Variants in CACNA1C observed in about 807,000 individuals in gnomAD.
CACNA1C encodes the protein voltage-dependent L-type calcium channel subunit alpha-1C.
In CACNA1C, 30 loss-of-function variants were observed where a neutral mutation model predicts 229.0. That is an observed-to-expected ratio of 0.13 (90% CI 0.10 to 0.18). The LOEUF (loss-of-function observed/expected upper bound fraction) is 0.18. Among genes scored for constraint, CACNA1C ranks in the 10% least tolerant of loss-of-function variants. The pLI, the probability that CACNA1C is intolerant of heterozygous loss-of-function variation, is 1.00. For synonymous variants in CACNA1C, 1,114 were observed against 1,132.5 expected, an observed-to-expected ratio of 0.98 and a Z score of 0.33; for missense variants, 1,658 against 2,845.0, an observed-to-expected ratio of 0.58 and a Z score of 9.49.
intron 3 of CACNA1C, among the ~76,000 whole-genome samples, chr12:2,175,750 G>A (rs572418297): frequency 2.4e-4 from 37 of 152,252 alleles, no homozygotes; most frequent in Admixed American, 2.2e-3. Flanking sequence ...AAAGAAGAAC[G>A]CTCTCTCATC....
chr12:2,431,848 C>A (rs2099088684), intron 3 of CACNA1C, among the ~76,000 whole-genome samples: 1 of 152,148 alleles, frequency 6.6e-6, no homozygotes, highest in Non-Finnish European at 1.5e-5. Flanking sequence ...AATGTAGGGA[C>A]CTCCTGGGCA....
rs550900084 is a variant in CACNA1C, at chr12:2,275,567, C to T, written c.477+155137C>T. Among the ~76,000 whole-genome samples, 2 of 152,260 alleles carry T rather than the reference C, an allele frequency of 1.3e-5. No homozygotes were observed. The highest frequency in any genetic ancestry group is 1.9e-4 in the East Asian group (1 of 5,174). The stretch of plus-strand genomic sequence containing the variant: ...ACCCTTGACCTGCCACCTCCATCTG[C>T]ACCTGCTTGTGGAGCCTGTGTCATG... On this transcript the variant is annotated intron_variant, in intron 3 of 46. Coordinates refer to ENST00000399655, the MANE Select transcript of CACNA1C (RefSeq NM_000719.7). The surrounding 1 kb of genome is among the most constrained non-coding windows in gnomAD (Gnocchi z 4.1).
rs562399761 is a variant in CACNA1C, at chr12:2,488,449, A to T, written c.916+2187A>T. On this transcript the variant is annotated intron_variant, in intron 6 of 46. Transcript: ENST00000399655. This position sits in a 1 kb window ranked among gnomAD's most constrained non-coding sequence, Gnocchi z 4.0. ...CAACGCCCCAAGTACCGAACCTGTCATGGCCTCCTCTTCTCTTAGGACAAA... is the reference window on the plus strand; with the variant it reads ...CAACGCCCCAAGTACCGAACCTGTCTTGGCCTCCTCTTCTCTTAGGACAAA... Among the ~76,000 whole-genome samples the T allele has an allele frequency of 6.6e-6, 1 of 152,344 alleles. No individual in the cohort carries two copies. Among genetic ancestry groups the T allele is most frequent in the East Asian group, 1.9e-4 (1 of 5,178 alleles).
intron 3 of CACNA1C, among the ~76,000 whole-genome samples, chr12:2,321,218 G>T (rs1027682904): frequency 2.0e-5 from 3 of 151,828 alleles, no homozygotes; most frequent in African/African-American, 4.8e-5. Flanking sequence ...CAAGGTGGTC[G>T]TTGGGGGGGT....
chr12:2,418,542 G>A (rs925321715), intron 3 of CACNA1C, among the ~76,000 whole-genome samples: 3 of 151,676 alleles, frequency 2.0e-5, no homozygotes, highest in African/African-American at 7.2e-5. Flanking sequence ...GTGTTTGAGT[G>A]AGGAGAGAGA....
At chr12:2,309,477 CCA>C (rs1010284968) in intron 3 of CACNA1C, among the ~76,000 whole-genome samples, 7 of 150,672 alleles carry the variant, frequency 4.6e-5, no homozygotes, top group Non-Finnish European at 5.9e-5. Context: ...GCCTATGACA[CCA>C]CACACACACA....
chr12:2,576,526 C>T lies in CACNA1C; in HGVS notation c.1896-5064C>T, dbSNP rs111893053. Among the ~76,000 whole-genome samples the T allele has an allele frequency of 8.6e-3, 1,301 of 152,156 alleles. 28 individuals are homozygous for T. Among genetic ancestry groups the T allele is most frequent in the African/African-American group, 0.03 (1,235 of 41,506 alleles). On this transcript the variant is annotated intron_variant, in intron 13 of 46. Transcript: ENST00000399655. Reference sequence around the variant, plus strand: ...AGCTCTTGCCTTTTTGGTGTGTGAGCGTGTGTATCTCATATTTTTGACCAA... The same window carrying T: ...AGCTCTTGCCTTTTTGGTGTGTGAGTGTGTGTATCTCATATTTTTGACCAA...
chr12:2,212,374 A>G (rs2097949440), intron 3 of CACNA1C, among the ~76,000 whole-genome samples: 1 of 152,224 alleles, frequency 6.6e-6, no homozygotes, highest in Admixed American at 6.5e-5. Flanking sequence ...ATTACATATT[A>G]TCTGAATTAA....
intron 9 of CACNA1C, among the ~76,000 whole-genome samples, chr12:2,542,026 A>G (rs2099871728): frequency 1.3e-5 from 2 of 152,130 alleles, no homozygotes; most frequent in South Asian, 4.1e-4. Flanking sequence ...GATGGGAAGG[A>G]AGGGAGTCAG....
At position 2,146,058 on chromosome 12, in the gene CACNA1C, AGTTATT is replaced by A. The variant is rs1278484726; in HGVS notation, c.477+25635_477+25640del. On this transcript the variant is annotated intron_variant, in intron 3 of 46. Transcript: ENST00000399655. ...GTAAATTGTGTAGCATTCAAATGGAAGTTATTGTTATTTTTATTATTGAGTGCCTTC... is the reference window on the plus strand; with the variant it reads ...GTAAATTGTGTAGCATTCAAATGGAAGTTATTTTTATTATTGAGTGCCTTC... Among the ~76,000 whole-genome samples the A allele has an allele frequency of 1.3e-5, 2 of 151,192 alleles. 1 individual carries two copies. The highest frequency in any genetic ancestry group is 1.3e-4 in the Admixed American group (2 of 15,060).
intron 3 of CACNA1C, among the ~76,000 whole-genome samples, chr12:2,224,781 C>T (rs1336469147): frequency 6.6e-6 from 1 of 152,134 alleles, no homozygotes; most frequent in African/African-American, 2.4e-5. Flanking sequence ...TGGGAGGCCT[C>T]ATGTAAGTAC....
At chr12:1,979,377 C>G (rs2035442705) in intron 1 of CACNA1C, among the ~76,000 whole-genome samples, 1 of 152,048 alleles carries the variant, frequency 6.6e-6, no homozygotes, top group Admixed American at 6.5e-5. Flanking sequence ...TGCAGTGGTG[C>G]CATCTTGGCT....
intron 1 of CACNA1C, among the ~76,000 whole-genome samples, chr12:1,974,685 C>T (rs564748506): frequency 1.3e-5 from 2 of 152,162 alleles, no homozygotes; most frequent in East Asian, 1.9e-4. Context: ...ATATTCTAGT[C>T]GCGTTTGATA....
chr12:2,672,896 G>A (rs543518026), intron 38 of CACNA1C, among the ~76,000 whole-genome samples: 1 of 152,336 alleles, frequency 6.6e-6, no homozygotes, highest in Admixed American at 6.5e-5. Context: ...CCTCTCCCGT[G>A]ATGGGGACTG....
At chr12:2,155,367 A>G (rs1478254999) in intron 3 of CACNA1C, among the ~76,000 whole-genome samples, 2 of 152,016 alleles carry the variant, frequency 1.3e-5, no homozygotes, top group East Asian at 3.9e-4. Flanking sequence ...TAGACACACA[A>G]TTTTACTTTG....
chr12:2,474,568 A>G (rs1165558036), intron 5 of CACNA1C, among the ~76,000 whole-genome samples: 1 of 152,104 alleles, frequency 6.6e-6, no homozygotes, highest in Non-Finnish European at 1.5e-5. Flanking sequence ...CAGCCTGGCC[A>G]ACATGGCGAA....
intron 3 of CACNA1C, among the ~76,000 whole-genome samples, chr12:2,304,964 T>C (rs1420624196): frequency 6.6e-6 from 1 of 152,140 alleles, no homozygotes; most frequent in East Asian, 1.9e-4. Context: ...CTTCCCTAGT[T>C]GAACACTTCT....
intron 1 of CACNA1C, among the ~76,000 whole-genome samples, chr12:2,006,877 A>T (rs2043563928): frequency 6.6e-6 from 1 of 152,228 alleles, no homozygotes; most frequent in African/African-American, 2.4e-5. Context: ...GACATTTTTT[A>T]AAATGCTATT....
intron 3 of CACNA1C, among the ~76,000 whole-genome samples, chr12:2,191,440 C>T (rs549123258): frequency 2.0e-5 from 3 of 152,214 alleles, no homozygotes; most frequent in East Asian, 1.9e-4. Context: ...CCGGGAGTCA[C>T]GTTCTCTGGC....
Sources: gnomAD v4.1 joint callset for allele counts (sites outside exome capture counted in the v4.1 genomes callset) on GRCh38, gnomAD v4.1.1 for gene constraint, Gnocchi (gnomAD v3.1) non-coding constraint, MANE v1.5 for transcripts, NCBI Gene and HGNC (gene_info 2026-07-23, HGNC 2026-07-21) for gene names.